IFT46: variants seen among roughly 807,000 people sequenced by gnomAD.
The protein encoded by IFT46 is intraflagellar transport 46, also known as intraflagellar transport protein 46 homolog.
A neutral mutation model predicts 39.6 loss-of-function variants in IFT46; 19 were observed. The observed-to-expected ratio is 0.48, with a 90% CI of 0.33 to 0.70. IFT46 has a LOEUF of 0.70. Among genes scored for constraint, IFT46 ranks in the 30% least tolerant of loss-of-function variants. The pLI is 0.01. For synonymous variants in IFT46, 117 were observed against 134.8 expected (o/e 0.87, Z 0.91); for missense variants, 334 against 364.8 (o/e 0.92, Z 0.69).
At chr11:118,552,722 GT>G (rs1258281312) in intron 7 of IFT46, among the ~76,000 whole-genome samples, 1 of 151,612 alleles carries the variant, frequency 6.6e-6, no homozygotes, top group Non-Finnish European at 1.5e-5. Context: ...GAGCCCAGGC[GT>G]TTGAGGTTGC....
intron 8 of IFT46, 102 bp from the exon 9 acceptor site, chr11:118,551,954 C>A: frequency 8.1e-7 from 1 of 1,229,658 alleles, no homozygotes. Context: ...TTCAATCTGG[C>A]ACATCAGGAA....
chr11:118,547,773 GTC>G (rs1310254739), intron 9 of IFT46, among the ~76,000 whole-genome samples: 1 of 130,858 alleles, frequency 7.6e-6, no homozygotes, highest in Non-Finnish European at 1.6e-5. Flanking sequence ...TTGAGACAGA[GTC>G]TCACTCTTTC....
intron 11 of IFT46, 64 bp from the exon 12 acceptor site, chr11:118,545,075 G>A: frequency 4.2e-6 from 5 of 1,181,878 alleles, no homozygotes; most frequent in Non-Finnish European, 6.2e-6. Context: ...ATTTTAACAA[G>A]AATTAATTTC....
intron 1 of IFT46, among the ~76,000 whole-genome samples, chr11:118,565,410 G>A (rs551939830): frequency 1.3e-5 from 2 of 149,068 alleles, no homozygotes; most frequent in East Asian, 4.1e-4. Context: ...GGTTTCTCAG[G>A]GAAGGCTGTA....
At chr11:118,575,846 A>C (rs1196380740), upstream of IFT46, among the ~76,000 whole-genome samples, 1 of 152,190 alleles carries the variant, frequency 6.6e-6, no homozygotes, top group Non-Finnish European at 1.5e-5. Context: ...TTGCACACAC[A>C]ATTTGTTATG....
intron 10 of IFT46, 38 bp from the exon 11 acceptor site, chr11:118,545,532 A>T: frequency 6.5e-7 from 1 of 1,536,094 alleles, no homozygotes; most frequent in East Asian, 2.2e-5. Context: ...AGAAGCAAAC[A>T]AACTCCGGGA....
At chr11:118,556,716 G>A (rs1937848241) in intron 4 of IFT46, among the ~76,000 whole-genome samples, 190 bp downstream of exon 4, 1 of 152,106 alleles carries the variant, frequency 6.6e-6, no homozygotes, top group Non-Finnish European at 1.5e-5. Flanking sequence ...CTATAGGACT[G>A]GATAAGGTAG....
rs1475065137 is a variant in IFT46, at chr11:118,554,451, T to C, written c.483+8A>G. 2 of 1,600,118 alleles carry C rather than the reference T, an allele frequency of 1.2e-6. No individual in the cohort carries two copies. Among genetic ancestry groups the C allele is most frequent in the Non-Finnish European group, 1.7e-6 (2 of 1,175,296 alleles). On this transcript the variant is annotated splice_region_variant and intron_variant, in intron 7 of 11. Transcript: ENST00000264021. ...CCAGCTGGGGCCTATACTAAGCTAG[T>C]ATCTTACTGTGATGTTGTGCTGCTT... is the stretch of plus-strand genomic sequence containing the variant.
intron 7 of IFT46, among the ~76,000 whole-genome samples, chr11:118,552,908 T>C (rs1395335465): frequency 7.1e-6 from 1 of 141,578 alleles, no homozygotes; most frequent in Non-Finnish European, 1.5e-5. Flanking sequence ...CCTACCTCTA[T>C]AAAATAAAAA....
At chr11:118,558,462 G>T (rs1555069965) in intron 3 of IFT46, among the ~76,000 whole-genome samples, 1 of 152,124 alleles carries the variant, frequency 6.6e-6, no homozygotes, top group East Asian at 1.9e-4. Flanking sequence ...AGGCGTGGTG[G>T]CGCACGCCTG....
intron 9 of IFT46, chr11:118,546,674 G>A (rs1812530291): frequency 6.4e-6 from 1 of 155,418 alleles, no homozygotes; most frequent in Non-Finnish European, 1.4e-5. Context: ...CCCCCGATCA[G>A]TATGGAATTG....
chr11:118,551,577 G>A lies in IFT46; in HGVS notation c.672+209C>T, dbSNP rs1258652547. Among the ~76,000 whole-genome samples the A allele has an allele frequency of 4.0e-5, 6 of 150,950 alleles. No homozygotes were observed. The East Asian group carries it at 1.2e-3, about 29-fold the overall frequency. The stretch of plus-strand genomic sequence containing the variant: ...TGGTCCCAGCTACTGGTAAGGCTGA[G>A]GTGGGAGGGTCACTTGAGCCCGGGA... On this transcript the variant is annotated intron_variant, in intron 9 of 11. Coordinates refer to ENST00000264021, the MANE Select transcript of IFT46 (RefSeq NM_001168618.2).
chr11:118,565,092 C>G (rs1938181065), intron 1 of IFT46, 31 bp from the exon 2 acceptor site: 1 of 152,538 alleles, frequency 6.6e-6, no homozygotes, highest in African/African-American at 2.4e-5. Flanking sequence ...TTCATAGCTC[C>G]TATCATGAGA....
upstream of IFT46, chr11:118,573,616 A>G (rs782426506): frequency 2.1e-5 from 15 of 698,098 alleles, no homozygotes; most frequent in East Asian, 5.4e-5. Context: ...TCTTTTGTCA[A>G]TAGATAACTT....
intron 2 of IFT46, among the ~76,000 whole-genome samples, chr11:118,563,366 T>C (rs1938125933): frequency 1.3e-5 from 2 of 152,190 alleles, no homozygotes; most frequent in Non-Finnish European, 1.5e-5. Context: ...TTAAACAACA[T>C]TGTGAATGTA....
chr11:118,576,166 T>A (rs958019815), upstream of IFT46, among the ~76,000 whole-genome samples: 3 of 152,088 alleles, frequency 2.0e-5, no homozygotes, highest in Admixed American at 2.0e-4. Context: ...CCAGGTTTTT[T>A]TACTTGAGGC....
chr11:118,563,797 A>C (rs1236921372), intron 2 of IFT46, among the ~76,000 whole-genome samples: 3 of 152,066 alleles, frequency 2.0e-5, no homozygotes, highest in Non-Finnish European at 4.4e-5. Context: ...GGTTTTTCAC[A>C]TCTCACATAC....
At chr11:118,564,657 T>A (rs1938167271) in intron 2 of IFT46, among the ~76,000 whole-genome samples, 1 of 151,822 alleles carries the variant, frequency 6.6e-6, no homozygotes. Flanking sequence ...TTATGAAGCA[T>A]CTTCAAAGCT....
chr11:118,550,377 T>C (rs1283113583), intron 9 of IFT46, among the ~76,000 whole-genome samples: 1 of 152,236 alleles, frequency 6.6e-6, no homozygotes, highest in African/African-American at 2.4e-5. Context: ...ATTTCTCCTA[T>C]ATTTTATTTC....
Sources: allele counts gnomAD v4.1 joint callset (sites outside exome capture counted in the v4.1 genomes callset), GRCh38; gene constraint gnomAD v4.1.1; transcripts MANE v1.5; gene names NCBI Gene and HGNC (gene_info 2026-07-23, HGNC 2026-07-21).